The following DGUOK variants were observed in gnomAD, a reference collection of about 807,000 sequenced individuals.
The protein encoded by DGUOK is deoxyguanosine kinase, mitochondrial.
A neutral mutation model predicts 36.6 loss-of-function variants in DGUOK; 30 were observed. The observed-to-expected ratio is 0.82, with a 90% confidence interval of 0.61 to 1.11. The LOEUF is 1.11. DGUOK is among the 50% of genes most tolerant of loss of function. The pLI is 0.00. For missense variants in DGUOK, 361 were observed against 336.4 expected (o/e 1.07, Z -0.57); for synonymous variants, 145 against 126.3 (o/e 1.15, Z -0.99).
intron 6 of DGUOK, among the ~76,000 whole-genome samples, 182 bp downstream of exon 6, chr2:73,958,427 T>C (rs1450642585): frequency 1.3e-5 from 2 of 152,230 alleles, no homozygotes; most frequent in African/African-American, 4.8e-5. Flanking sequence ...TAAAGTATGC[T>C]GGACTAATAA....
intron 4 of DGUOK, among the ~76,000 whole-genome samples, chr2:73,955,862 G>A (rs888657138): frequency 2.6e-5 from 4 of 152,088 alleles, no homozygotes; most frequent in Non-Finnish European, 5.9e-5. Flanking sequence ...AACAGAGCAA[G>A]ACTCTGTCTC....
At chr2:73,939,282 A>G (rs551171422) in intron 2 of DGUOK, among the ~76,000 whole-genome samples, 6 of 152,374 alleles carry the variant, frequency 3.9e-5, no homozygotes, top group East Asian at 1.9e-4. Flanking sequence ...TCCAACCATC[A>G]TGGATGGCTT....
chr2:73,931,053 C>G (rs1381313939), intron 1 of DGUOK, among the ~76,000 whole-genome samples: 1 of 152,068 alleles, frequency 6.6e-6, no homozygotes, highest in Non-Finnish European at 1.5e-5. Context: ...GCTTCGGCCT[C>G]CCAAAGTGCT....
At chr2:73,950,996 T>G (rs756097124) in intron 4 of DGUOK, among the ~76,000 whole-genome samples, 14 of 152,156 alleles carry the variant, frequency 9.2e-5, no homozygotes, top group Non-Finnish European at 2.1e-4. Flanking sequence ...GTGTCATCTT[T>G]ATGATGACGC....
chr2:73,956,165 C>T (rs912940351), intron 4 of DGUOK, among the ~76,000 whole-genome samples: 2 of 152,134 alleles, frequency 1.3e-5, no homozygotes, highest in African/African-American at 4.8e-5. Flanking sequence ...AGCCAGTGTG[C>T]ATCAAACTTC....
At chr2:73,954,671 A>T (rs1682958998) in intron 4 of DGUOK, among the ~76,000 whole-genome samples, 1 of 152,184 alleles carries the variant, frequency 6.6e-6, no homozygotes, top group Non-Finnish European at 1.5e-5. Flanking sequence ...TGGGGACAGC[A>T]TGCAGGAGGT....
chr2:73,956,297 T>C (rs1683084031), intron 4 of DGUOK, among the ~76,000 whole-genome samples: 1 of 152,270 alleles, frequency 6.6e-6, no homozygotes, highest in South Asian at 2.1e-4. Flanking sequence ...GTGCAAATTT[T>C]ACATTCTATT....
chr2:73,958,772 C>T lies in DGUOK; in HGVS notation c.*36C>T. ...GAAGTTCAGGCTGTGATCTGGGCTC[C>T]CTGACTTTCTGAAGCTAGAAAAATG... On this transcript the variant is annotated 3_prime_UTR_variant, in exon 7 of 7. Coordinates refer to ENST00000264093, the MANE Select transcript of DGUOK (RefSeq NM_080916.3). 1 of 1,590,872 alleles carries T rather than the reference C, an allele frequency of 6.3e-7. No individual in the cohort carries two copies. The highest frequency in any genetic ancestry group is 8.6e-7 in the Non-Finnish European group (1 of 1,158,782).
intron 1 of DGUOK, among the ~76,000 whole-genome samples, chr2:73,929,451 T>A (rs1680849907): frequency 6.6e-6 from 1 of 152,162 alleles, no homozygotes; most frequent in Non-Finnish European, 1.5e-5. Flanking sequence ...AGTAGAGGTG[T>A]TGAATAGGTA....
intron 5 of DGUOK, 181 bp from the exon 6 acceptor site, chr2:73,957,965 C>T: frequency 1.9e-6 from 1 of 539,674 alleles, no homozygotes; most frequent in South Asian, 1.9e-5. Context: ...GAAACCTCAA[C>T]CTTTCTGTTT....
intron 3 of DGUOK, 33 bp downstream of exon 3, chr2:73,946,939 C>A: frequency 1.3e-6 from 2 of 1,583,306 alleles, no homozygotes; most frequent in South Asian, 1.1e-5. Flanking sequence ...AGTCACAAGC[C>A]CCATGCTCAG....
chr2:73,953,176 G>A (rs981034286), intron 4 of DGUOK, among the ~76,000 whole-genome samples: 1 of 151,742 alleles, frequency 6.6e-6, no homozygotes, highest in Non-Finnish European at 1.5e-5. Flanking sequence ...CCTCTTAAAG[G>A]CCCCACCTCT....
At chr2:73,943,769 C>T (rs1682083718) in intron 2 of DGUOK, among the ~76,000 whole-genome samples, 1 of 151,994 alleles carries the variant, frequency 6.6e-6, no homozygotes, top group Non-Finnish European at 1.5e-5. Context: ...CCTGCCTCAG[C>T]CTCCCAAGTA....
intron 1 of DGUOK, among the ~76,000 whole-genome samples, chr2:73,937,013 C>G (rs55811353): frequency 0.062 from 9,454 of 152,224 alleles, 466 homozygotes; most frequent in African/African-American, 0.13. Flanking sequence ...AAAGCATATG[C>G]AAAGTCATAT....
At chr2:73,939,748 A>G (rs1178501668) in intron 2 of DGUOK, among the ~76,000 whole-genome samples, 1 of 152,184 alleles carries the variant, frequency 6.6e-6, no homozygotes, top group Non-Finnish European at 1.5e-5. Context: ...TCTAATTACT[A>G]AACAGTTCTG....
intron 3 of DGUOK, among the ~76,000 whole-genome samples, chr2:73,948,975 A>G (rs957666768): frequency 2.0e-5 from 3 of 152,210 alleles, no homozygotes; most frequent in African/African-American, 7.2e-5. Flanking sequence ...GTTTTAAGAC[A>G]GAGTCTCGCT....
chr2:73,952,691 C>T (rs1682780014), intron 4 of DGUOK, among the ~76,000 whole-genome samples: 1 of 152,108 alleles, frequency 6.6e-6, no homozygotes, highest in South Asian at 2.1e-4. Flanking sequence ...GCCATGAAGC[C>T]AGCATTGGGG....
At chr2:73,940,633 C>T (rs1039215812) in intron 2 of DGUOK, among the ~76,000 whole-genome samples, 1 of 152,232 alleles carries the variant, frequency 6.6e-6, no homozygotes, top group Non-Finnish European at 1.5e-5. Flanking sequence ...AATGATGTTT[C>T]TGTCAATGAT....
rs940833101 is a variant in DGUOK, at chr2:73,932,524, A to G, written c.142+5472A>G. ...GTGCTATGATATCCATGTGGAAGTT[A>G]GGCATTGGTACCCACACAGGGAATG... On this transcript the variant is annotated intron_variant, in intron 1 of 6. Coordinates refer to ENST00000264093, the MANE Select transcript of DGUOK (RefSeq NM_080916.3). 9.5e-6 allele frequency: 8 copies of G among 838,150 alleles called. No homozygotes were observed. The Admixed American group carries it at 1.9e-4, about 20-fold the overall frequency. 51.9% of individuals were successfully genotyped at this position (838,150 alleles called of 1,614,324 possible).
Sources: allele counts gnomAD v4.1 joint callset (sites outside exome capture counted in the v4.1 genomes callset), GRCh38; gene constraint gnomAD v4.1.1; transcripts MANE v1.5; gene names NCBI Gene and HGNC (gene_info 2026-07-23, HGNC 2026-07-21).